TUT7: variants seen among roughly 807,000 people sequenced by gnomAD.
TUT7 encodes terminal uridylyltransferase 7.
Under a neutral mutation model 165.9 loss-of-function variants are expected in TUT7, and 33 were observed. That is an observed-to-expected ratio of 0.20 (90% confidence interval 0.15 to 0.27). The LOEUF (loss-of-function observed/expected upper bound fraction) is 0.27. Among genes scored for constraint, TUT7 ranks in the 10% least tolerant of loss-of-function variants. TUT7 has a pLI of 1.00. For synonymous variants in TUT7, 552 were observed against 608.1 expected (o/e 0.91, Z 1.36); for missense variants, 1,338 against 1,762.3 (o/e 0.76, Z 4.31).
In TUT7 at chr9:86,340,870, G is replaced by T; in HGVS notation, c.1138+132C>A. 6.2e-6 allele frequency: 4 copies of T among 646,464 alleles called. No individual in the cohort carries two copies. In the South Asian group the frequency reaches 7.1e-5, roughly 11 times the overall value. The allele number at this position is 646,464 out of a possible 1,614,324, so 40.0% of individuals were successfully genotyped here. A position where few individuals can be genotyped will look rare whatever the true frequency, so the allele number is the denominator to read the frequency against. On this transcript the variant is annotated intron_variant, in intron 7 of 26. Coordinates refer to ENST00000375963, the MANE Select transcript of TUT7 (RefSeq NM_024617.4). The stretch of plus-strand genomic sequence containing the variant: ...ACAGGACTCTAGTTAATAATTCATG[G>T]GCATTTGCTTTGGATATTACCCACA...
rs776319572 is a variant in TUT7 at position 86,353,105 on chromosome 9, T to C, written c.95A>G (p.Asp32Gly). The C allele has an allele frequency of 6.2e-6, 10 of 1,613,816 alleles. No individual in the cohort carries two copies. In the East Asian group the frequency reaches 1.8e-4, roughly 29 times the overall value. ...DDFRRGHPQQDYLIIDDHAKG... is the reference protein window; with the variant it reads ...DDFRRGHPQQGYLIIDDHAKG... ...AGCATGGTCATCTATTATTAAATAA[T>C]CTTGTTGGGGGTGACCCCTTCTGAA... Residue 32 changes from aspartate to glycine, a missense_variant, in exon 2 of 27, where the codon GAT becomes GGT. Physicochemically the swap from Asp to Gly is moderately conservative, Grantham distance 94. Transcript: ENST00000375963.
intron 26 of TUT7, among the ~76,000 whole-genome samples, chr9:86,290,801 A>G (rs1279139303): frequency 1.3e-5 from 2 of 152,056 alleles, no homozygotes; most frequent in Non-Finnish European, 2.9e-5. Context: ...TGGAGGTTGC[A>G]GTAAGCCAAG....
intron 11 of TUT7, 60 bp downstream of exon 11, chr9:86,328,280 T>G (rs1829980416): frequency 4.8e-6 from 7 of 1,463,802 alleles, no homozygotes; most frequent in Non-Finnish European, 6.3e-6. Context: ...CAAGACTGAC[T>G]AATCCACAAC....
chr9:86,301,673 A>C (rs1826919742), intron 25 of TUT7, 72 bp from the exon 26 acceptor site: 1 of 1,527,776 alleles, frequency 6.5e-7, no homozygotes, highest in South Asian at 1.3e-5. Flanking sequence ...AATTCCCAAA[A>C]TATTAAGGCA....
At chr9:86,301,940 G>T in intron 25 of TUT7, 1 of 762,958 alleles carries the variant, frequency 1.3e-6, no homozygotes, top group Non-Finnish European at 1.6e-6. Flanking sequence ...CGGCCTTTCT[G>T]GCACATTAGC....
intron 4 of TUT7, among the ~76,000 whole-genome samples, 173 bp from the exon 5 acceptor site, chr9:86,345,327 T>C (rs1209844724): frequency 1.3e-5 from 2 of 152,196 alleles, no homozygotes; most frequent in East Asian, 3.8e-4. Flanking sequence ...GCACATAATG[T>C]GGATCAGTGG....
chr9:86,336,442 C>T (rs1169279340), intron 10 of TUT7, among the ~76,000 whole-genome samples: 1 of 152,150 alleles, frequency 6.6e-6, no homozygotes, highest in African/African-American at 2.4e-5. Flanking sequence ...ATGCAATAAT[C>T]CCTTATGCCA....
intron 10 of TUT7, among the ~76,000 whole-genome samples, chr9:86,332,640 C>T (rs1431704667): frequency 1.3e-5 from 2 of 152,116 alleles, no homozygotes; most frequent in African/African-American, 4.8e-5. Flanking sequence ...GTCCAATAAA[C>T]CCGTGACATG....
At chr9:86,309,098 A>G (rs534094008) in intron 21 of TUT7, 114 bp downstream of exon 21, 1 of 666,770 alleles carries the variant, frequency 1.5e-6, no homozygotes, top group African/African-American at 1.9e-5. Flanking sequence ...TTTTTTTACT[A>G]TCATAAGATA....
intron 2 of TUT7, among the ~76,000 whole-genome samples, chr9:86,349,304 A>C (rs1158427103): frequency 6.6e-6 from 1 of 151,938 alleles, no homozygotes; most frequent in Non-Finnish European, 1.5e-5. Context: ...AAAAAGAAAA[A>C]TTCTCATAAT....
chr9:86,308,604 A>G lies in TUT7; in HGVS notation c.3663T>C (p.Pro1221=), dbSNP rs190154198. 135 of 1,610,412 alleles carry G rather than the reference A, an allele frequency of 8.4e-5. 1 individual carries two copies. Among genetic ancestry groups the G allele is most frequent in the Admixed American group, 6.2e-4 (37 of 59,404 alleles). ...IYFFDQIDEL[P]TYWSECGKNT... ...TTTTTCCACATTCTGACCAATAGGT[A>G]GGCTAGAAATAGAAGGGAACAAGGG... Residue 1221 remains proline (P), a splice_region_variant and synonymous_variant, in exon 22 of 27, where the codon CCT becomes CCC. Transcript: ENST00000375963.
At chr9:86,347,421 T>C (rs1008648779) in intron 2 of TUT7, among the ~76,000 whole-genome samples, 8 of 152,330 alleles carry the variant, frequency 5.3e-5, no homozygotes, top group African/African-American at 1.9e-4. Context: ...AGTAACACAT[T>C]AGTGCTTGGA....
intron 8 of TUT7, among the ~76,000 whole-genome samples, chr9:86,339,413 A>C (rs962894488): frequency 6.6e-6 from 1 of 152,202 alleles, no homozygotes; most frequent in East Asian, 1.9e-4. Flanking sequence ...AACTACTCGG[A>C]AGTCTGAGGC....
intron 14 of TUT7, among the ~76,000 whole-genome samples, chr9:86,321,279 C>A (rs560615681): frequency 7.9e-5 from 12 of 151,854 alleles, no homozygotes; most frequent in Admixed American, 7.9e-4. Context: ...ATTGCTTGAA[C>A]CCAGGAGGTG....
intron 10 of TUT7, chr9:86,337,083 T>C (rs1830851994): frequency 1.1e-5 from 2 of 175,058 alleles, no homozygotes; most frequent in Admixed American, 5.8e-5. Flanking sequence ...TAAATTCAAG[T>C]ATCAATTTAG....
At chr9:86,324,257 C>T (rs569689094) in intron 12 of TUT7, 4 of 184,114 alleles carry the variant, frequency 2.2e-5, no homozygotes, top group East Asian at 1.5e-4. Context: ...ATGTTATCAG[C>T]GTGGCTCTCA....
At chr9:86,350,138 C>T (rs1832143606) in intron 2 of TUT7, among the ~76,000 whole-genome samples, 1 of 152,154 alleles carries the variant, frequency 6.6e-6, no homozygotes, top group Non-Finnish European at 1.5e-5. Context: ...GAGACTACCC[C>T]TGGCCAACAT....
intron 5 of TUT7, 67 bp downstream of exon 5, chr9:86,344,910 C>T: frequency 7.5e-7 from 1 of 1,338,268 alleles, no homozygotes; most frequent in Non-Finnish European, 1.0e-6. Flanking sequence ...ATGAAAATTA[C>T]TATTGGTAGG....
At chr9:86,339,928 C>A (rs1831185280) in intron 8 of TUT7, 108 bp downstream of exon 8, 2 of 861,242 alleles carry the variant, frequency 2.3e-6, no homozygotes, top group Non-Finnish European at 3.8e-6. Flanking sequence ...TGTGTGATAA[C>A]CAAATAAAAA....
Sources: gnomAD v4.1 joint callset for allele counts (sites outside exome capture counted in the v4.1 genomes callset) on GRCh38, gnomAD v4.1.1 for gene constraint, MANE v1.5 for transcripts, NCBI Gene and HGNC (gene_info 2026-07-23, HGNC 2026-07-21) for gene names.